The following SCAF4 variants were observed in gnomAD, a reference collection of about 807,000 sequenced individuals.
The protein encoded by SCAF4 is SR-related and CTD-associated factor 4.
SCAF4 carries 25 observed loss-of-function variants against 129.8 expected under a neutral mutation model. The ratio of observed to expected loss-of-function variants is 0.19; its 90% CI spans 0.14 to 0.27. The LOEUF (loss-of-function observed/expected upper bound fraction) is 0.27, where lower values mean the gene tolerates loss of function less well. Among genes scored for constraint, SCAF4 ranks in the 10% least tolerant of loss-of-function variants. The probability of loss-of-function intolerance (pLI) is 1.00; values close to 1 mark genes in which losing one functional copy is unlikely to be tolerated. For missense variants in SCAF4, 1,246 were observed against 1,457.1 expected (o/e 0.86, Z 2.36); for synonymous variants, 551 against 497.7 (o/e 1.11, Z -1.43).
chr21:31,677,182 C>T (rs539824873), intron 19 of SCAF4, among the ~76,000 whole-genome samples: 42 of 152,264 alleles, frequency 2.8e-4, no homozygotes, highest in South Asian at 8.3e-4. Flanking sequence ...ATCCACATTA[C>T]TCCTACTGTC....
rs2050327726 is a variant in SCAF4, at chr21:31,694,224, T to C, written c.1302A>G (p.Ser434=). Residue 434 remains serine (S), a synonymous_variant, in exon 11 of 20, where the codon TCA becomes TCG. Transcript: ENST00000286835. ...VKRHMSDNRK[S]RSRSASRSPK... ...ATTACCTGGATGCTGACCTAGATCTTGACTTTCTGTTATCAGACATATGTC... is the reference window on the plus strand; with the variant it reads ...ATTACCTGGATGCTGACCTAGATCTCGACTTTCTGTTATCAGACATATGTC... 1 of 1,607,844 alleles carries C rather than the reference T, an allele frequency of 6.2e-7. No individual in the cohort carries two copies.
At chr21:31,700,038 G>A (rs2050484482) in intron 7 of SCAF4, among the ~76,000 whole-genome samples, 1 of 151,794 alleles carries the variant, frequency 6.6e-6, no homozygotes, top group Admixed American at 6.6e-5. Context: ...ATGGCTTACT[G>A]CAGCTTTGAA....
At chr21:31,707,023 G>C (rs1040720153) in intron 1 of SCAF4, among the ~76,000 whole-genome samples, 1 of 152,116 alleles carries the variant, frequency 6.6e-6, no homozygotes, top group Non-Finnish European at 1.5e-5. Context: ...ATGTATAAAT[G>C]CTTTTTTTTA....
chr21:31,704,918 A>C lies in SCAF4; in HGVS notation c.159+505T>G, dbSNP rs1020918918. ...TTATAAACACTGATTAGTAGGTACT[A>C]CATGTCACAGCTCCAGGTCAGGGGT... is the stretch of plus-strand genomic sequence containing the variant. On this transcript the variant is annotated intron_variant, in intron 3 of 19. Coordinates refer to ENST00000286835, the MANE Select transcript of SCAF4 (RefSeq NM_020706.2). Among the ~76,000 whole-genome samples, 3 of 152,220 alleles carry C rather than the reference A, an allele frequency of 2.0e-5. No homozygotes were observed. The South Asian group carries it at 6.2e-4, about 31-fold the overall frequency.
chr21:31,723,629 TGC>T (rs60041981), intron 1 of SCAF4, among the ~76,000 whole-genome samples: 465 of 149,004 alleles, frequency 3.1e-3, no homozygotes, highest in South Asian at 0.013. Context: ...TGTGTGTGTG[TGC>T]GCGCGCGCGC....
At chr21:31,697,248 G>C (rs1375116739) in intron 7 of SCAF4, among the ~76,000 whole-genome samples, 2 of 152,004 alleles carry the variant, frequency 1.3e-5, no homozygotes. Context: ...ACACAAAAAA[G>C]TCACTAGCAG....
chr21:31,682,855 T>C (rs1568827219), intron 19 of SCAF4, among the ~76,000 whole-genome samples: 1 of 152,202 alleles, frequency 6.6e-6, no homozygotes. Flanking sequence ...CATTCCTTTA[T>C]CAAAATGATA....
intron 1 of SCAF4, among the ~76,000 whole-genome samples, chr21:31,710,627 G>C (rs754937041): frequency 2.6e-5 from 4 of 152,098 alleles, no homozygotes; most frequent in Non-Finnish European, 5.9e-5. Flanking sequence ...ATGTAGCAGA[G>C]AAAAAACCTG....
intron 5 of SCAF4, 61 bp downstream of exon 5, chr21:31,702,183 G>A: frequency 6.3e-7 from 1 of 1,599,416 alleles, no homozygotes. Context: ...CATAAACTCT[G>A]ACTGTTTCAT....
Position 31,671,324 on chromosome 21 carries a change from A to G in SCAF4, c.*75T>C. 1.3e-6 allele frequency: 2 copies of G among 1,523,470 alleles called. No individual in the cohort carries two copies. Among genetic ancestry groups the G allele is most frequent in the Non-Finnish European group, 1.8e-6 (2 of 1,132,206 alleles). 94.4% of individuals were successfully genotyped at this position (1,523,470 alleles called of 1,614,324 possible). A position where few individuals can be genotyped will look rare whatever the true frequency, so the allele number is the denominator to read the frequency against. On this transcript the variant is annotated 3_prime_UTR_variant, in exon 20 of 20. Transcript: ENST00000286835. ...GGGCTGCAGTACAGCGGGAGCGGATATAATACAGCATCTGTACACCTCAAG... is the reference window on the plus strand; with the variant it reads ...GGGCTGCAGTACAGCGGGAGCGGATGTAATACAGCATCTGTACACCTCAAG...
chr21:31,710,480 C>T (rs1336042395), intron 1 of SCAF4, among the ~76,000 whole-genome samples: 2 of 152,228 alleles, frequency 1.3e-5, no homozygotes, highest in East Asian at 3.9e-4. Context: ...ACTCAGGAGG[C>T]GAAGGTTGCA....
chr21:31,720,027 A>C (rs1393108061), intron 1 of SCAF4, among the ~76,000 whole-genome samples: 1 of 152,206 alleles, frequency 6.6e-6, no homozygotes, highest in African/African-American at 2.4e-5. Context: ...GATTTTAGGA[A>C]ATGCCAAATG....
chr21:31,708,711 T>A (rs2050728081), intron 1 of SCAF4, among the ~76,000 whole-genome samples: 1 of 152,224 alleles, frequency 6.6e-6, no homozygotes. Flanking sequence ...CAATGATTTA[T>A]GCAAAAATCC....
At position 31,732,068 on chromosome 21, in the gene SCAF4, C is replaced by T. The variant is rs147638315; in HGVS notation, c.-376G>A. ...AGCGGGCGGGCCTCTCTCTCCCTCTCTCCAGCGGGATGGCGGCAGCGGCCC... is the reference window on the plus strand; with the variant it reads ...AGCGGGCGGGCCTCTCTCTCCCTCTTTCCAGCGGGATGGCGGCAGCGGCCC... On this transcript the variant is annotated 5_prime_UTR_variant, in exon 1 of 20. Coordinates refer to ENST00000286835, the MANE Select transcript of SCAF4 (RefSeq NM_020706.2). The T allele has an allele frequency of 4.1e-3, 1,709 of 414,590 alleles. 31 individuals carry two copies. Among genetic ancestry groups the T allele is most frequent in the African/African-American group, 0.032 (1,538 of 48,484 alleles). 25.7% of individuals were successfully genotyped at this position (414,590 alleles called of 1,614,324 possible).
chr21:31,729,641 A>T (rs1288394236), intron 1 of SCAF4, among the ~76,000 whole-genome samples: 1 of 152,246 alleles, frequency 6.6e-6, no homozygotes, highest in East Asian at 1.9e-4. Flanking sequence ...AGGCACAGTA[A>T]GATGAATTTT....
chr21:31,722,235 C>T (rs1470128342), intron 1 of SCAF4, among the ~76,000 whole-genome samples: 1 of 152,026 alleles, frequency 6.6e-6, no homozygotes, highest in Non-Finnish European at 1.5e-5. Flanking sequence ...ACAGTCAGTT[C>T]CCAACACATG....
chr21:31,688,204 G>A, intron 16 of SCAF4, 103 bp downstream of exon 16: 3 of 803,910 alleles, frequency 3.7e-6, no homozygotes, highest in Non-Finnish European at 5.3e-6. Context: ...GCACATATAT[G>A]TACTCATGTT....
intron 1 of SCAF4, among the ~76,000 whole-genome samples, chr21:31,728,287 T>C (rs558792382): frequency 1.3e-5 from 2 of 152,304 alleles, no homozygotes; most frequent in East Asian, 1.9e-4. Flanking sequence ...AGTACATTGT[T>C]AACTGCCCTT....
intron 16 of SCAF4, among the ~76,000 whole-genome samples, chr21:31,687,510 G>GT (rs1490440648): frequency 1.3e-5 from 2 of 152,242 alleles, no homozygotes; most frequent in East Asian, 3.9e-4. Context: ...TGCTTTTCAA[G>GT]TAACAGGTTG....
Sources: gnomAD v4.1 joint callset for allele counts (sites outside exome capture counted in the v4.1 genomes callset) on GRCh38, gnomAD v4.1.1 for gene constraint, MANE v1.5 for transcripts, NCBI Gene and HGNC (gene_info 2026-07-23, HGNC 2026-07-21) for gene names.